PCDH17: variants seen among roughly 807,000 people sequenced by gnomAD.
PCDH17 encodes the protein protocadherin 17.
A neutral mutation model predicts 67.7 loss-of-function variants in PCDH17; 21 were observed. That is an observed-to-expected ratio of 0.31 (90% CI 0.22 to 0.45). PCDH17 has a LOEUF of 0.45. Among genes scored for constraint, PCDH17 ranks in the 20% least tolerant of loss-of-function variants. The pLI, the probability that PCDH17 is intolerant of heterozygous loss-of-function variation, is 1.00. For synonymous variants in PCDH17, 701 were observed against 656.7 expected (o/e 1.07, Z -1.03); for missense variants, 1,471 against 1,564.8 (o/e 0.94, Z 1.01).
intron 1 of PCDH17, among the ~76,000 whole-genome samples, chr13:57,653,881 A>C (rs1955072288): frequency 1.3e-5 from 2 of 152,102 alleles, no homozygotes; most frequent in Non-Finnish European, 2.9e-5. Context: ...CGCAGTTTTA[A>C]GTAGTTTGGA....
At chr13:57,658,219 T>C (rs1261931962) in intron 1 of PCDH17, among the ~76,000 whole-genome samples, 1 of 152,192 alleles carries the variant, frequency 6.6e-6, no homozygotes, top group Non-Finnish European at 1.5e-5. Flanking sequence ...TTTTCTTCCT[T>C]AGTCTCTAAT....
rs766762151 is a variant in PCDH17, at chr13:57,634,379, C to T, written c.1833C>T (p.Arg611=). Residue 611 remains arginine, a synonymous_variant, in exon 1 of 4, where the codon CGC becomes CGT. Transcript: ENST00000377918. The surrounding 1 kb of genome is among the most constrained non-coding windows in gnomAD (Gnocchi z 7.8). ...AGLGYLVSTV[R]ALDSDFGESG... is the part of the protein sequence containing the mutation. ...TGGGCTATCTGGTGAGCACTGTGCGCGCCCTAGACAGCGACTTCGGCGAGA... is the reference window on the plus strand; with the variant it reads ...TGGGCTATCTGGTGAGCACTGTGCGTGCCCTAGACAGCGACTTCGGCGAGA... 1.2e-6 allele frequency: 2 copies of T among 1,612,506 alleles called. No homozygotes were observed. The highest frequency in any genetic ancestry group is 8.5e-7 in the Non-Finnish European group (1 of 1,179,896).
At chr13:57,693,315 C>CATATATATATGTATATAT (rs373915196) in intron 3 of PCDH17, among the ~76,000 whole-genome samples, 2 of 89,360 alleles carry the variant, frequency 2.2e-5, no homozygotes, top group East Asian at 5.9e-4. Flanking sequence ...CACTTACATT[C>CATATATATATGTATATAT]ATATATATAT....
At chr13:57,656,394 A>G (rs1293355905) in intron 1 of PCDH17, among the ~76,000 whole-genome samples, 1 of 152,132 alleles carries the variant, frequency 6.6e-6, no homozygotes, top group Non-Finnish European at 1.5e-5. Context: ...TTTTAAGAAA[A>G]TGTATCTACC....
chr13:57,681,301 A>G (rs2138048092), intron 3 of PCDH17, among the ~76,000 whole-genome samples: 1 of 151,964 alleles, frequency 6.6e-6, no homozygotes, highest in Middle Eastern at 3.4e-3. Context: ...TGGAAATAAG[A>G]TATGTTACTT....
chr13:57,670,250 A>C (rs995964268), intron 3 of PCDH17, among the ~76,000 whole-genome samples: 2 of 151,938 alleles, frequency 1.3e-5, no homozygotes, highest in Non-Finnish European at 2.9e-5. Flanking sequence ...GAAAAACATC[A>C]TGAGAGAAAA....
chr13:57,633,098 G>A lies in PCDH17; in HGVS notation c.552G>A (p.Lys184=). 1 of 1,613,490 alleles carries A rather than the reference G, an allele frequency of 6.2e-7. No homozygotes were observed. The highest frequency in any genetic ancestry group is 8.5e-7 in the Non-Finnish European group (1 of 1,179,984). The change falls in exon 1 of 4, where the codon AAG becomes AAA. Residue 184 remains lysine (K), a synonymous_variant. Coordinates refer to ENST00000377918, the MANE Select transcript of PCDH17 (RefSeq NM_001040429.3). This position sits in a 1 kb window ranked among gnomAD's most constrained non-coding sequence, Gnocchi z 6.2. Reference sequence around the variant, plus strand: ...ACGGCCTCTTTGGACTGGACGTTAAGTCCCGCGGCGACGGCACCAAGTTCC... The same window carrying A: ...ACGGCCTCTTTGGACTGGACGTTAAATCCCGCGGCGACGGCACCAAGTTCC... ...DDHGLFGLDV[K]SRGDGTKFPE...
chr13:57,673,029 T>C (rs1363519573), intron 3 of PCDH17, among the ~76,000 whole-genome samples: 1 of 152,010 alleles, frequency 6.6e-6, no homozygotes, highest in Non-Finnish European at 1.5e-5. Context: ...TGTGCATTTG[T>C]CTAAAGACAT....
intron 3 of PCDH17, among the ~76,000 whole-genome samples, chr13:57,677,699 C>T (rs1490781793): frequency 6.6e-6 from 1 of 151,788 alleles, no homozygotes; most frequent in Admixed American, 6.6e-5. Flanking sequence ...GTTCAAGAAA[C>T]ATCTATACAA....
chr13:57,665,227 A>G (rs1419865217), intron 1 of PCDH17, among the ~76,000 whole-genome samples: 2 of 148,954 alleles, frequency 1.3e-5, no homozygotes, highest in East Asian at 4.0e-4. Flanking sequence ...TTAAACTATC[A>G]TTCTTTAATG....
intron 3 of PCDH17, among the ~76,000 whole-genome samples, chr13:57,714,732 T>G (rs570168668): frequency 2.0e-5 from 3 of 151,896 alleles, no homozygotes; most frequent in Admixed American, 2.0e-4. Context: ...TTCAAGACTC[T>G]AAAATTACAA....
chr13:57,656,283 G>A (rs1209080481), intron 1 of PCDH17, among the ~76,000 whole-genome samples: 1 of 152,018 alleles, frequency 6.6e-6, no homozygotes, highest in African/African-American at 2.4e-5. Context: ...GTCCATAGTA[G>A]CTAAATAAAT....
Position 57,666,684 on chromosome 13 carries a change from A to C in PCDH17, c.2648A>C (p.Glu883Ala), listed in dbSNP as rs1449010318. 1 of 1,612,614 alleles carries C rather than the reference A, an allele frequency of 6.2e-7. No homozygotes were observed. The highest frequency in any genetic ancestry group is 8.5e-7 in the Non-Finnish European group (1 of 1,179,266). ...VQSSSTFKDP[E>A]RASLRDSGHG... ...AGTAGCTCCACGTTTAAGGACCCAG[A>C]AAGAGCCAGCCTGAGAGACAGTGGG... Residue 883 changes from glutamate to alanine, a missense_variant, in exon 3 of 4, where the codon GAA becomes GCA. Around this residue, in one of 3 missense-constraint regions of PCDH17, gnomAD observed 1,163 missense variants for 1,230.0 expected, o/e 0.95. Coordinates refer to ENST00000377918, the MANE Select transcript of PCDH17 (RefSeq NM_001040429.3).
In PCDH17 at chr13:57,634,830, A is replaced by G. The variant is rs1436055610; in HGVS notation, c.2284A>G (p.Ile762Val). 6.2e-7 allele frequency: 1 copy of G among 1,614,080 alleles called. No individual in the cohort carries two copies. Among genetic ancestry groups the G allele is most frequent in the Admixed American group, 1.7e-5 (1 of 60,024 alleles). ...LGGGKGKKKKINKNDIMLVQS... is the reference protein window; with the variant it reads ...LGGGKGKKKKVNKNDIMLVQS... ...TGGGGGCAAGGGCAAGAAGAAGAAGATCAACAAAAATGATATCATGCTGGT... is the reference window on the plus strand; with the variant it reads ...TGGGGGCAAGGGCAAGAAGAAGAAGGTCAACAAAAATGATATCATGCTGGT... The change falls in exon 1 of 4, where the codon ATC becomes GTC. Residue 762 changes from isoleucine to valine, a missense_variant. Transcript: ENST00000377918. The surrounding 1 kb of genome is among the most constrained non-coding windows in gnomAD (Gnocchi z 7.8).
chr13:57,700,203 G>GT (rs1955648895), intron 3 of PCDH17, among the ~76,000 whole-genome samples: 1 of 151,776 alleles, frequency 6.6e-6, no homozygotes, highest in South Asian at 2.1e-4. Context: ...TTGCCCCTAA[G>GT]TTTCCTGGAC....
intron 1 of PCDH17, among the ~76,000 whole-genome samples, chr13:57,650,362 T>C (rs1257247127): frequency 6.6e-6 from 1 of 151,876 alleles, no homozygotes. Context: ...GCCTTTTGGA[T>C]TTCAACTAGT....
intron 1 of PCDH17, among the ~76,000 whole-genome samples, chr13:57,665,019 G>A (rs939781530): frequency 7.9e-5 from 12 of 152,144 alleles, no homozygotes; most frequent in Non-Finnish European, 1.5e-4. Flanking sequence ...AGACGGTTAG[G>A]AGTGAGCAAT....
intron 3 of PCDH17, among the ~76,000 whole-genome samples, chr13:57,723,652 A>G (rs906944983): frequency 5.3e-5 from 8 of 152,166 alleles, no homozygotes; most frequent in African/African-American, 1.9e-4. Context: ...AATGGGCACA[A>G]TCATTTATAT....
At chr13:57,716,431 C>T (rs1360546709) in intron 3 of PCDH17, among the ~76,000 whole-genome samples, 1 of 151,886 alleles carries the variant, frequency 6.6e-6, no homozygotes, top group Non-Finnish European at 1.5e-5. Flanking sequence ...TCTTACTGCC[C>T]TGTGAAGTGC....
Sources: gnomAD v4.1 joint callset for allele counts (sites outside exome capture counted in the v4.1 genomes callset) on GRCh38, gnomAD v4.1.1 for gene constraint, gnomAD v4.1.1 regional missense constraint, Gnocchi (gnomAD v3.1) non-coding constraint, MANE v1.5 for transcripts, NCBI Gene and HGNC (gene_info 2026-07-23, HGNC 2026-07-21) for gene names.